Variants in COL11A1 observed in about 807,000 individuals in gnomAD.
The protein encoded by COL11A1 is collagen alpha-1(XI) chain.
Under a neutral mutation model 265.2 loss-of-function variants are expected in COL11A1, and 74 were observed. The ratio of observed to expected loss-of-function variants is 0.28; its 90% CI spans 0.23 to 0.34. The LOEUF is 0.34. Ranked by LOEUF, COL11A1 falls within the 10% of genes least tolerant of loss-of-function variation. COL11A1 has a pLI of 1.00. For synonymous variants in COL11A1, 816 were observed against 727.6 expected, an observed-to-expected ratio of 1.12 and a Z score of -1.96; for missense variants, 2,165 against 2,263.6, an observed-to-expected ratio of 0.96 and a Z score of 0.88.
intron 41 of COL11A1, among the ~76,000 whole-genome samples, chr1:102,947,314 C>G (rs2101414111): frequency 6.6e-6 from 1 of 152,060 alleles, no homozygotes; most frequent in Non-Finnish European, 1.5e-5. Flanking sequence ...AAATTTCTCC[C>G]TGTATTATAA....
intron 4 of COL11A1, among the ~76,000 whole-genome samples, chr1:103,033,295 T>A (rs1374310654): frequency 6.6e-6 from 1 of 152,058 alleles, no homozygotes; most frequent in Non-Finnish European, 1.5e-5. Flanking sequence ...TTTCTGCCTT[T>A]GTATTAATAT....
intron 9 of COL11A1, 119 bp downstream of exon 9, chr1:103,021,588 C>A: frequency 2.7e-6 from 2 of 728,954 alleles, no homozygotes; most frequent in Admixed American, 2.0e-5. Context: ...TGGTGAATTG[C>A]AAACATCTGG....
In COL11A1 at chr1:103,071,467, CTTTTTTT is replaced by C. The variant is rs869263393; in HGVS notation, c.651+3144_651+3150del. On this transcript the variant is annotated intron_variant, in intron 4 of 66. Transcript: ENST00000370096. ...AGGCTGTTGATTTGTGTTGGTAGGA[CTTTTTTT>C]TTTTTTTTTTTTTTTTTTTTGCCTG... Among the ~76,000 whole-genome samples the C allele has an allele frequency of 1.2e-4, 6 of 49,892 alleles. No homozygotes were observed. In the South Asian group the frequency reaches 2.3e-3, roughly 19 times the overall value. The allele number at this position is 49,892 out of a possible 152,430, so 32.7% of individuals were successfully genotyped here. A position where few individuals can be genotyped will look rare whatever the true frequency, so the allele number is the denominator to read the frequency against.
intron 30 of COL11A1, among the ~76,000 whole-genome samples, chr1:102,985,336 CT>C (rs1385390061): frequency 2.6e-5 from 4 of 151,948 alleles, no homozygotes; most frequent in Non-Finnish European, 5.9e-5. Context: ...GGTTTATGAC[CT>C]TGTTAGTACA....
rs1386451341 is a variant in COL11A1, at chr1:102,899,429, C to A, written c.4087-435G>T. On this transcript the variant is annotated intron_variant, in intron 54 of 66. Coordinates refer to ENST00000370096, the MANE Select transcript of COL11A1 (RefSeq NM_001854.4). The stretch of plus-strand genomic sequence containing the variant: ...ATCTTAGAATATGTATATGTTCATG[C>A]ATTCTTACAGGATCACATAACAACT... Among the ~76,000 whole-genome samples, 4 of 152,158 alleles carry A rather than the reference C, an allele frequency of 2.6e-5. No homozygotes were observed. The East Asian group carries it at 7.7e-4, about 29-fold the overall frequency.
intron 49 of COL11A1, among the ~76,000 whole-genome samples, chr1:102,916,842 A>G (rs115798322): frequency 0.092 from 13,904 of 151,904 alleles, 730 homozygotes; most frequent in Middle Eastern, 0.12. Flanking sequence ...AATTGCATTT[A>G]TATTATTTAT....
chr1:103,013,767 A>T (rs1285145729), intron 13 of COL11A1, among the ~76,000 whole-genome samples: 1 of 151,930 alleles, frequency 6.6e-6, no homozygotes, highest in Non-Finnish European at 1.5e-5. Context: ...CCATATCCAT[A>T]CCAAACAAAA....
rs573308545 is a variant in COL11A1 at position 103,027,306 on chromosome 1, A to T, written c.781-974T>A. Among the ~76,000 whole-genome samples, 3 of 148,958 alleles carry T rather than the reference A, an allele frequency of 2.0e-5. No individual in the cohort carries two copies. In the Admixed American group the frequency reaches 2.0e-4, roughly 10 times the overall value. On this transcript the variant is annotated intron_variant, in intron 5 of 66. Transcript: ENST00000370096. ...AATCAAGATATAGATATTATTAAAC[A>T]TAAGTTAAATTCAGTTTTTAATAAA...
rs757289768 is a variant in COL11A1 at position 102,923,384 on chromosome 1, C to G, written c.3606G>C (p.Leu1202=). 6.3e-7 allele frequency: 1 copy of G among 1,599,192 alleles called. No homozygotes were observed. The highest frequency in any genetic ancestry group is 8.5e-7 in the Non-Finnish European group (1 of 1,171,358). The change falls in exon 47 of 67, where the codon CTG becomes CTC. Residue 1202 remains leucine (L), a synonymous_variant. Transcript: ENST00000370096. The part of the protein sequence containing the change: ...GPPGPIGLQG[L]PGPPGEKGEN... ...CACCTTTTTCACCAGGTGGGCCTGG[C>G]AGACCCTAAGAAAATATAATAGAAA...
intron 35 of COL11A1, 127 bp from the exon 36 acceptor site, chr1:102,975,010 C>A: frequency 1.4e-6 from 1 of 736,252 alleles, no homozygotes; most frequent in East Asian, 2.7e-5. Context: ...AGTGACAGAA[C>A]TATGGTAATA....
intron 57 of COL11A1, among the ~76,000 whole-genome samples, chr1:102,897,157 A>G (rs548632982): frequency 6.6e-6 from 1 of 152,064 alleles, no homozygotes; most frequent in South Asian, 2.1e-4. Flanking sequence ...TTTGCATACC[A>G]AAGATGCTGT....
intron 4 of COL11A1, among the ~76,000 whole-genome samples, chr1:103,043,963 T>G (rs555873219): frequency 6.6e-6 from 1 of 152,248 alleles, no homozygotes; most frequent in African/African-American, 2.4e-5. Context: ...CTAAAACTTC[T>G]GCTCACATTT....
chr1:102,906,851 C>A (rs1416176107), intron 54 of COL11A1, among the ~76,000 whole-genome samples: 1 of 151,824 alleles, frequency 6.6e-6, no homozygotes, highest in African/African-American at 2.4e-5. Flanking sequence ...TAAATCAGAA[C>A]AAATCATAGT....
intron 10 of COL11A1, 62 bp from the exon 11 acceptor site, chr1:103,017,944 C>G: frequency 7.8e-7 from 1 of 1,289,994 alleles, no homozygotes; most frequent in African/African-American, 1.5e-5. Flanking sequence ...TAGATGAATT[C>G]ACTCTAGTCC....
intron 49 of COL11A1, among the ~76,000 whole-genome samples, chr1:102,918,078 T>C (rs138497330): frequency 2.0e-5 from 3 of 151,622 alleles, no homozygotes; most frequent in Non-Finnish European, 4.4e-5. Context: ...ATTAAGTCTA[T>C]ATTTCTAATA....
intron 37 of COL11A1, 37 bp from the exon 38 acceptor site, chr1:102,965,577 C>T (rs767185840): frequency 1.1e-5 from 17 of 1,557,078 alleles, no homozygotes; most frequent in African/African-American, 9.5e-5. Context: ...AAGCTACATA[C>T]AACACAAAGC....
intron 54 of COL11A1, among the ~76,000 whole-genome samples, chr1:102,906,176 C>A (rs897352589): frequency 1.3e-5 from 2 of 152,098 alleles, no homozygotes; most frequent in Non-Finnish European, 2.9e-5. Context: ...GTCCTCACTT[C>A]AGTATTGTAA....
At position 102,920,330 on chromosome 1, in the gene COL11A1, A is replaced by G. The variant is rs761766841; in HGVS notation, c.3743T>C (p.Val1248Ala). ...ATTTACCTTTTCTCCAACACCACCA[A>G]CTGAACCAACAGACCCTGGGGGTCC... ...PQGPPGSVGSVGGVGEKGEPG... is the reference protein window; with the variant it reads ...PQGPPGSVGSAGGVGEKGEPG... The change falls in exon 49 of 67, where the codon GTT becomes GCT. Residue 1248 changes from valine (V) to alanine (A), a missense_variant. By Grantham distance (64) the Val-to-Ala change is moderately conservative (BLOSUM62 0). Coordinates refer to ENST00000370096, the MANE Select transcript of COL11A1 (RefSeq NM_001854.4). 6.2e-6 allele frequency: 10 copies of G among 1,613,180 alleles called. No individual in the cohort carries two copies. Among genetic ancestry groups the G allele is most frequent in the Non-Finnish European group, 8.5e-6 (10 of 1,179,392 alleles).
chr1:103,064,094 C>T (rs1670883566), intron 4 of COL11A1, among the ~76,000 whole-genome samples: 1 of 152,140 alleles, frequency 6.6e-6, no homozygotes, highest in Admixed American at 6.5e-5. Flanking sequence ...TGAAGCAAAA[C>T]AAACTCTCGT....
Sources: gnomAD v4.1 joint callset for allele counts (sites outside exome capture counted in the v4.1 genomes callset) on GRCh38, gnomAD v4.1.1 for gene constraint, MANE v1.5 for transcripts, NCBI Gene and HGNC (gene_info 2026-07-23, HGNC 2026-07-21) for gene names.